The following TRDN variants were observed in gnomAD, a reference collection of about 807,000 sequenced individuals.
TRDN encodes triadin in skeletal muscle.
In TRDN, 161 loss-of-function variants were observed where a neutral mutation model predicts 149.7. That is an observed-to-expected ratio of 1.08 (90% CI 0.95 to 1.23). The LOEUF is 1.23. Among genes scored for constraint, TRDN ranks in the 50% most tolerant of loss-of-function variants. TRDN has a pLI of 0.00. For missense variants in TRDN, 896 were observed against 823.5 expected (o/e 1.09, Z -1.08); for synonymous variants, 294 against 250.5 (o/e 1.17, Z -1.64).
At chr6:123,306,887 G>C (rs1302344457) in intron 24 of TRDN, among the ~76,000 whole-genome samples, 1 of 144,746 alleles carries the variant, frequency 6.9e-6, no homozygotes, top group Admixed American at 6.8e-5. Flanking sequence ...TTTTTATAAA[G>C]GGGTAAAGAA....
intron 1 of TRDN, among the ~76,000 whole-genome samples, chr6:123,576,460 TTTTTTAATTTA>T (rs953528947): frequency 4.5e-4 from 60 of 132,848 alleles, no homozygotes; most frequent in African/African-American, 1.6e-3. Flanking sequence ...ATGGTTTTTC[TTTTTTAATTTA>T]TTTTTATTTT....
chr6:123,294,475 G>A (rs891383869), intron 24 of TRDN, among the ~76,000 whole-genome samples: 7 of 152,144 alleles, frequency 4.6e-5, no homozygotes, highest in African/African-American at 7.2e-5. Context: ...GCCTGGGGTC[G>A]GGGGTGTGGA....
At chr6:123,534,172 C>T (rs1780403312) in intron 4 of TRDN, among the ~76,000 whole-genome samples, 1 of 152,066 alleles carries the variant, frequency 6.6e-6, no homozygotes, top group Non-Finnish European at 1.5e-5. Flanking sequence ...CTTACATAGG[C>T]AGATTTTTGT....
intron 12 of TRDN, among the ~76,000 whole-genome samples, chr6:123,397,843 A>G (rs942224953): frequency 3.3e-5 from 5 of 152,210 alleles, no homozygotes; most frequent in African/African-American, 1.2e-4. Context: ...AAAAAATGAA[A>G]ATATTGGAAT....
At chr6:123,528,722 T>C (rs1583193968) in intron 5 of TRDN, 2 of 987,996 alleles carry the variant, frequency 2.0e-6, no homozygotes, top group Non-Finnish European at 2.4e-6. Flanking sequence ...TATTTGAGAA[T>C]AAAGAGCAGG....
chr6:123,633,567 G>C (rs1388424698), intron 1 of TRDN, among the ~76,000 whole-genome samples: 1 of 151,986 alleles, frequency 6.6e-6, no homozygotes, highest in African/African-American at 2.4e-5. Flanking sequence ...GCTTAATACA[G>C]TGCTTGACAT....
At chr6:123,447,105 T>G (rs1263315460) in intron 10 of TRDN, among the ~76,000 whole-genome samples, 1 of 149,958 alleles carries the variant, frequency 6.7e-6, no homozygotes, top group East Asian at 2.0e-4. Context: ...CTGAATCCAT[T>G]TTTTTTTTTG....
chr6:123,480,015 A>C (rs1160308581), intron 9 of TRDN, among the ~76,000 whole-genome samples: 1 of 152,124 alleles, frequency 6.6e-6, no homozygotes, highest in African/African-American at 2.4e-5. Context: ...TTTCTGAGAT[A>C]TCTTTTTTCA....
At chr6:123,417,592 T>C (rs1773709515) in intron 12 of TRDN, among the ~76,000 whole-genome samples, 1 of 152,178 alleles carries the variant, frequency 6.6e-6, no homozygotes, top group Non-Finnish European at 1.5e-5. Context: ...AGGTTTCTTT[T>C]TTCCTCATTC....
intron 7 of TRDN, among the ~76,000 whole-genome samples, chr6:123,508,927 A>C (rs531608476): frequency 6.6e-6 from 1 of 152,254 alleles, no homozygotes; most frequent in African/African-American, 2.4e-5. Flanking sequence ...TTTACCAGAA[A>C]CCACCTATTA....
At chr6:123,267,901 A>G (rs1435029469) in intron 31 of TRDN, 150 bp from the exon 32 acceptor site, 3 of 614,902 alleles carry the variant, frequency 4.9e-6, no homozygotes. Context: ...GCATATTGCC[A>G]TAAAAAAATT....
intron 12 of TRDN, among the ~76,000 whole-genome samples, chr6:123,425,073 A>G (rs1774058742): frequency 6.6e-6 from 1 of 152,074 alleles, no homozygotes; most frequent in Non-Finnish European, 1.5e-5. Flanking sequence ...GCTACTAAAC[A>G]TATTTCAAAG....
chr6:123,458,323 T>C (rs1484418855), intron 10 of TRDN, among the ~76,000 whole-genome samples: 2 of 152,242 alleles, frequency 1.3e-5, no homozygotes, highest in African/African-American at 4.8e-5. Context: ...TAAGTCTAGA[T>C]GTTTCTACAA....
chr6:123,430,173 G>A (rs1249175749), intron 12 of TRDN, among the ~76,000 whole-genome samples: 2 of 152,022 alleles, frequency 1.3e-5, no homozygotes, highest in Non-Finnish European at 2.9e-5. Flanking sequence ...AGGAGGCTGA[G>A]GTGAGAGTAT....
chr6:123,511,291 C>T (rs1254746624), intron 7 of TRDN, among the ~76,000 whole-genome samples: 1 of 151,922 alleles, frequency 6.6e-6, no homozygotes, highest in African/African-American at 2.4e-5. Flanking sequence ...CTATAGTTAA[C>T]AATAATTTAT....
chr6:123,267,736 C>A lies in TRDN; in HGVS notation c.1754G>T (p.Arg585Leu). 6.3e-7 allele frequency: 1 copy of A among 1,575,986 alleles called. No homozygotes were observed. The highest frequency in any genetic ancestry group is 2.3e-5 in the East Asian group (1 of 43,344). The change falls in exon 32 of 41, where the codon CGA becomes CTA. Residue 585 changes from arginine to leucine, a missense_variant. Arg to Leu is a moderately radical substitution (Grantham distance 102). Transcript: ENST00000334268. ...KPKPTKKAEH[R>L]EREPPSIKTD... ...TTTTATAGATGGAGGTTCTCTTTCT[C>A]GATGTTCAGCTTTTTCTAGAGAAAG...
At position 123,460,711 on chromosome 6, in the gene TRDN, T is replaced by A. The variant is rs556713570; in HGVS notation, c.931+4195A>T. Reference sequence around the variant, plus strand: ...TAAGGTAATAAAGTTCTTGGTTTAATAGAATTGTAAATAAAACCTTACTAG... The same window carrying A: ...TAAGGTAATAAAGTTCTTGGTTTAAAAGAATTGTAAATAAAACCTTACTAG... On this transcript the variant is annotated intron_variant, in intron 10 of 40. Coordinates refer to ENST00000334268, the MANE Select transcript of TRDN (RefSeq NM_006073.4). Among the ~76,000 whole-genome samples, 138 of 152,208 alleles carry A rather than the reference T, an allele frequency of 9.1e-4. 1 individual carries two copies. The highest frequency in any genetic ancestry group is 3.2e-3 in the African/African-American group (134 of 41,564).
At chr6:123,301,441 A>C (rs1034370874) in intron 24 of TRDN, among the ~76,000 whole-genome samples, 2 of 151,888 alleles carry the variant, frequency 1.3e-5, no homozygotes, top group Non-Finnish European at 2.9e-5. Flanking sequence ...CTGAACATCC[A>C]ATTGATCTTT....
intron 5 of TRDN, among the ~76,000 whole-genome samples, chr6:123,522,441 G>C (rs1445704989): frequency 6.6e-6 from 1 of 151,246 alleles, no homozygotes; most frequent in Non-Finnish European, 1.5e-5. Context: ...ACTACATGGG[G>C]GGGGAAAGCC....
Sources: gnomAD v4.1 joint callset for allele counts (sites outside exome capture counted in the v4.1 genomes callset) on GRCh38, gnomAD v4.1.1 for gene constraint, MANE v1.5 for transcripts, NCBI Gene and HGNC (gene_info 2026-07-23, HGNC 2026-07-21) for gene names.